The following EZH2 variants were observed in gnomAD, a reference collection of about 807,000 sequenced individuals.
The protein encoded by EZH2 is histone-lysine N-methyltransferase EZH2.
In EZH2, 18 loss-of-function variants were observed where a neutral mutation model predicts 98.4. The observed-to-expected ratio is 0.18, with a 90% confidence interval of 0.13 to 0.27. The LOEUF is 0.27. EZH2 is among the 10% of genes least tolerant of loss of function. The pLI is 1.00. For missense variants in EZH2, 470 were observed against 935.1 expected, an observed-to-expected ratio of 0.50 and a Z score of 6.49; for synonymous variants, 338 against 312.3, an observed-to-expected ratio of 1.08 and a Z score of -0.87.
intron 1 of EZH2, among the ~76,000 whole-genome samples, chr7:148,858,249 G>A (rs537212207): frequency 6.2e-4 from 94 of 151,210 alleles, no homozygotes; most frequent in Non-Finnish European, 1.0e-3. Context: ...CCTAGATAGC[G>A]CCACTGCACT....
intron 4 of EZH2, among the ~76,000 whole-genome samples, chr7:148,830,389 A>G (rs1413738532): frequency 1.3e-5 from 2 of 152,300 alleles, no homozygotes; most frequent in South Asian, 2.1e-4. Context: ...ATGGTGTATC[A>G]AGATCAACTA....
intron 1 of EZH2, among the ~76,000 whole-genome samples, chr7:148,862,014 A>T (rs1817749845): frequency 6.6e-6 from 1 of 152,170 alleles, no homozygotes; most frequent in African/African-American, 2.4e-5. Flanking sequence ...TTCTGAGGTC[A>T]TTGTGGATCT....
intron 1 of EZH2, among the ~76,000 whole-genome samples, chr7:148,877,803 T>C (rs1820378931): frequency 6.6e-6 from 1 of 152,352 alleles, no homozygotes; most frequent in South Asian, 2.1e-4. Context: ...TACCTACTTT[T>C]AAATGTAACT....
intron 3 of EZH2, chr7:148,837,100 GT>G (rs1811104093): frequency 4.9e-6 from 2 of 411,662 alleles, no homozygotes; most frequent in Non-Finnish European, 9.6e-6. Context: ...CAACTACCCT[GT>G]GAGGTAGGTA....
At chr7:148,815,109 G>A (rs895009945) in intron 13 of EZH2, 70 bp from the exon 14 acceptor site, 30 of 1,549,364 alleles carry the variant, frequency 1.9e-5, no homozygotes, top group South Asian at 1.4e-4. Context: ...CAATTAACAC[G>A]AGTACATTCT....
intron 2 of EZH2, among the ~76,000 whole-genome samples, chr7:148,846,970 A>G (rs1814306916): frequency 1.3e-5 from 2 of 152,010 alleles, no homozygotes; most frequent in African/African-American, 2.4e-5. Flanking sequence ...CTGCAGCTGC[A>G]TATGCAAATA....
At chr7:148,817,018 C>T (rs1804736182) in intron 11 of EZH2, 1 of 608,978 alleles carries the variant, frequency 1.6e-6, no homozygotes, top group African/African-American at 1.9e-5. Context: ...GCTATCTAAC[C>T]TTAAAAGTCT....
chr7:148,883,790 G>A (rs1003829627), intron 1 of EZH2, among the ~76,000 whole-genome samples: 3 of 151,590 alleles, frequency 2.0e-5, no homozygotes, highest in Non-Finnish European at 4.4e-5. Context: ...GCCACACAAA[G>A]GAGACTTGAG....
At chr7:148,817,613 A>C in intron 10 of EZH2, 1 of 663,092 alleles carries the variant, frequency 1.5e-6, no homozygotes. Flanking sequence ...CTACCTGAGA[A>C]AGATCGAAAA....
intron 7 of EZH2, 85 bp downstream of exon 7, chr7:148,827,079 C>A: frequency 9.9e-7 from 1 of 1,006,532 alleles, no homozygotes; most frequent in South Asian, 1.6e-5. Context: ...GGCTCATCCG[C>A]TACATTGATT....
chr7:148,816,770 C>G lies in EZH2; in HGVS notation c.1419G>C (p.Glu473Asp), dbSNP rs1190049532. The change falls in exon 12 of 20, where the codon GAG (glutamate) becomes GAC (aspartate). Residue 473 changes from glutamate (E) to aspartate (D), a missense_variant. Glu to Asp is a conservative substitution (Grantham distance 45). Around this residue, in one of 6 missense-constraint regions of EZH2, gnomAD observed 192 missense variants for 306.8 expected, o/e 0.63. Coordinates refer to ENST00000320356, the MANE Select transcript of EZH2 (RefSeq NM_004456.5). ...TGATGCTAGATTCTTTGACTCTAAA[C>G]TCATACACCTGACAAGAGGCACAGT... ...IGTKTCRQVY[E>D]FRVKESSIIA... 1 of 1,613,378 alleles carries G rather than the reference C, an allele frequency of 6.2e-7. No individual in the cohort carries two copies. The highest frequency in any genetic ancestry group is 8.5e-7 in the Non-Finnish European group (1 of 1,179,316).
At chr7:148,875,215 C>T (rs188987440) in intron 1 of EZH2, among the ~76,000 whole-genome samples, 2 of 152,240 alleles carry the variant, frequency 1.3e-5, no homozygotes, top group Admixed American at 6.5e-5. Flanking sequence ...CATTTTGTTA[C>T]ACTAATTAAA....
chr7:148,814,891 G>T, intron 14 of EZH2, 23 bp downstream of exon 14: 2 of 1,606,936 alleles, frequency 1.2e-6, no homozygotes, highest in Non-Finnish European at 1.7e-6. Flanking sequence ...TCATGCAATT[G>T]CATCAAAGCA....
intron 1 of EZH2, among the ~76,000 whole-genome samples, chr7:148,873,258 A>G (rs760094605): frequency 5.9e-5 from 9 of 151,990 alleles, no homozygotes; most frequent in Non-Finnish European, 8.8e-5. Flanking sequence ...TTGCAAGGCC[A>G]AGGCAGGCAG....
At chr7:148,863,523 C>A (rs529313161) in intron 1 of EZH2, among the ~76,000 whole-genome samples, 1 of 152,224 alleles carries the variant, frequency 6.6e-6, no homozygotes, top group Non-Finnish European at 1.5e-5. Flanking sequence ...GTTACAGTCA[C>A]CCTTCTGATC....
intron 1 of EZH2, among the ~76,000 whole-genome samples, chr7:148,876,655 T>C (rs1820210293): frequency 6.6e-6 from 1 of 152,188 alleles, no homozygotes; most frequent in Non-Finnish European, 1.5e-5. Flanking sequence ...TGCTGCGTAA[T>C]GCACATTCAT....
At chr7:148,838,983 C>A (rs1811620300) in intron 3 of EZH2, among the ~76,000 whole-genome samples, 1 of 150,954 alleles carries the variant, frequency 6.6e-6, no homozygotes, top group South Asian at 2.1e-4. Flanking sequence ...ACCCAGGAGG[C>A]AGAGGTTGAG....
At chr7:148,844,674 A>C (rs1445388321) in intron 3 of EZH2, among the ~76,000 whole-genome samples, 1 of 152,128 alleles carries the variant, frequency 6.6e-6, no homozygotes, top group African/African-American at 2.4e-5. Flanking sequence ...TCTTCTCCCA[A>C]TTTTTCACAT....
intron 8 of EZH2, 115 bp downstream of exon 8, chr7:148,826,339 A>G: frequency 1.3e-6 from 1 of 786,306 alleles, no homozygotes; most frequent in Non-Finnish European, 1.8e-6. Context: ...ATCTAAAGAT[A>G]TTTGTCAAAG....
Sources: gnomAD v4.1 joint callset for allele counts (sites outside exome capture counted in the v4.1 genomes callset) on GRCh38, gnomAD v4.1.1 for gene constraint, gnomAD v4.1.1 regional missense constraint, MANE v1.5 for transcripts, NCBI Gene and HGNC (gene_info 2026-07-23, HGNC 2026-07-21) for gene names.